The following ADRA1A variants were observed in gnomAD, a reference collection of about 807,000 sequenced individuals.
The protein encoded by ADRA1A is alpha-1A adrenergic receptor.
ADRA1A carries 31 observed loss-of-function variants against 29.6 expected under a neutral mutation model. The observed-to-expected ratio is 1.05, with a 90% CI of 0.79 to 1.41. The LOEUF is 1.41. Among genes scored for constraint, ADRA1A ranks in the 40% most tolerant of loss-of-function variants. The probability of loss-of-function intolerance (pLI) is 0.00; values close to 1 mark genes in which losing one functional copy is unlikely to be tolerated. For missense variants in ADRA1A, 619 were observed against 601.1 expected (o/e 1.03, Z -0.31); for synonymous variants, 311 against 254.3 (o/e 1.22, Z -2.12).
downstream of ADRA1A, among the ~76,000 whole-genome samples, chr8:26,764,706 C>A (rs368783679): frequency 1.4e-4 from 22 of 152,312 alleles, no homozygotes; most frequent in Admixed American, 3.9e-4. Context: ...AAGATAGGCA[C>A]AATTACTTTG....
intron 2 of ADRA1A, among the ~76,000 whole-genome samples, chr8:26,785,811 A>C (rs1908653): frequency 0.34 from 51,604 of 151,938 alleles, 10,119 homozygotes; most frequent in East Asian, 0.84. Context: ...CCATCTTTAT[A>C]AATTATATTT....
intron 2 of ADRA1A, chr8:26,854,434 A>AGGGGGGGGG (rs1563310604): frequency 1.3e-5 from 1 of 77,002 alleles, no homozygotes; most frequent in African/African-American, 5.1e-5. Context: ...GGGGGGGGGG[A>AGGGGGGGGG]GCAGGCAGAG....
At chr8:26,757,372 C>T (rs1187097526) in intron 2 of ADRA1A, among the ~76,000 whole-genome samples, 2 of 152,150 alleles carry the variant, frequency 1.3e-5, no homozygotes, top group East Asian at 3.9e-4. Flanking sequence ...GCCTAGAAGG[C>T]TGCTGGAGAC....
intron 2 of ADRA1A, among the ~76,000 whole-genome samples, chr8:26,749,839 C>T (rs1257831976): frequency 6.6e-6 from 1 of 152,178 alleles, no homozygotes; most frequent in African/African-American, 2.4e-5. Context: ...CTCTTCCTCT[C>T]TCATTTCCTA....
intron 2 of ADRA1A, among the ~76,000 whole-genome samples, chr8:26,748,906 C>T (rs1455935153): frequency 4.6e-5 from 7 of 152,148 alleles, no homozygotes; most frequent in Non-Finnish European, 1.0e-4. Flanking sequence ...CCTACGGACT[C>T]AACCAGAGAG....
chr8:26,835,842 T>C (rs922734), intron 2 of ADRA1A: 20,047 of 152,308 alleles, frequency 0.13, 1,468 homozygotes, highest in Non-Finnish European at 0.15. Flanking sequence ...TCCACTTCTT[T>C]CCCCCTGCTT....
At chr8:26,820,435 GA>G (rs1363399187) in intron 2 of ADRA1A, among the ~76,000 whole-genome samples, 1 of 151,976 alleles carries the variant, frequency 6.6e-6, no homozygotes, top group Non-Finnish European at 1.5e-5. Flanking sequence ...AATAGTGCTG[GA>G]AAAAAAGTGT....
downstream of ADRA1A, among the ~76,000 whole-genome samples, chr8:26,752,996 A>AG (rs1045902043): frequency 1.6e-4 from 25 of 152,170 alleles, no homozygotes; most frequent in Non-Finnish European, 3.7e-4. Flanking sequence ...CTAAGTGGCG[A>AG]GTGGTTGAGG....
intron 2 of ADRA1A, among the ~76,000 whole-genome samples, chr8:26,828,728 G>C (rs1014438914): frequency 1.2e-4 from 18 of 152,060 alleles, no homozygotes; most frequent in African/African-American, 4.3e-4. Flanking sequence ...TGAAGTCACA[G>C]GGTGAATATT....
chr8:26,827,419 A>G (rs1810651154), intron 2 of ADRA1A, among the ~76,000 whole-genome samples: 1 of 152,198 alleles, frequency 6.6e-6, no homozygotes, highest in Non-Finnish European at 1.5e-5. Flanking sequence ...TGCTATAACA[A>G]GATGTCCTAA....
intron 2 of ADRA1A, among the ~76,000 whole-genome samples, chr8:26,852,964 T>C (rs73564038): frequency 0.24 from 36,652 of 152,030 alleles, 4,738 homozygotes; most frequent in Non-Finnish European, 0.3. Flanking sequence ...TGTCACCTGA[T>C]TGAGTAGAAT....
At chr8:26,763,828 C>T (rs1157972526), downstream of ADRA1A, among the ~76,000 whole-genome samples, 1 of 152,058 alleles carries the variant, frequency 6.6e-6, no homozygotes, top group Non-Finnish European at 1.5e-5. This position sits in a 1 kb window ranked among gnomAD's most constrained non-coding sequence, Gnocchi z 4.5. Context: ...TGTCCCCCTC[C>T]CTGCAAAAAG....
chr8:26,824,414 G>T (rs76026694), intron 2 of ADRA1A, among the ~76,000 whole-genome samples: 1 of 152,016 alleles, frequency 6.6e-6, no homozygotes, highest in Non-Finnish European at 1.5e-5. Flanking sequence ...TTCAAACTTC[G>T]TTTTTTGCAT....
chr8:26,834,285 C>T (rs1159553356), intron 2 of ADRA1A, among the ~76,000 whole-genome samples: 1 of 152,138 alleles, frequency 6.6e-6, no homozygotes, highest in Non-Finnish European at 1.5e-5. Flanking sequence ...GTGAAGATAT[C>T]AGTTTTATCC....
intron 2 of ADRA1A, among the ~76,000 whole-genome samples, chr8:26,840,944 A>G (rs1055245313): frequency 9.9e-5 from 15 of 152,190 alleles, no homozygotes; most frequent in African/African-American, 3.6e-4. Context: ...CAGTTGTAGC[A>G]AGCCAGTCAT....
Position 26,839,243 on chromosome 8 carries a change from C to T in ADRA1A, c.883+24844G>A, listed in dbSNP as rs183029283. 1.6e-3 allele frequency among the ~76,000 whole-genome samples: 235 copies of T among 151,492 alleles called. 7 individuals are homozygous for T. In the East Asian group the frequency reaches 0.043, roughly 28 times the overall value. On this transcript the variant is annotated intron_variant, in intron 2 of 2. Transcript: ENST00000380573. ...GTGCAATCTTGGCTCACTGCAACCT[C>T]CGCCTCCCGGGTTCAAGTGATTCTC...
At chr8:26,814,703 T>C (rs951398143) in intron 2 of ADRA1A, among the ~76,000 whole-genome samples, 1 of 152,238 alleles carries the variant, frequency 6.6e-6, no homozygotes, top group Non-Finnish European at 1.5e-5. Flanking sequence ...TACCCTTCCA[T>C]CTAGAGAGAT....
At chr8:26,811,293 C>G (rs765129056) in intron 2 of ADRA1A, among the ~76,000 whole-genome samples, 1 of 152,052 alleles carries the variant, frequency 6.6e-6, no homozygotes, top group Admixed American at 6.5e-5. Context: ...TCCAGGCTCA[C>G]GCCATTCTCC....
At chr8:26,863,425 T>C (rs1311577906) in intron 2 of ADRA1A, among the ~76,000 whole-genome samples, 1 of 152,210 alleles carries the variant, frequency 6.6e-6, no homozygotes, top group Non-Finnish European at 1.5e-5. Flanking sequence ...TTAATACTTA[T>C]TATTAAAATA....
Sources: allele counts gnomAD v4.1 joint callset (sites outside exome capture counted in the v4.1 genomes callset), GRCh38; gene constraint gnomAD v4.1.1; non-coding constraint Gnocchi (gnomAD v3.1); transcripts MANE v1.5; gene names NCBI Gene and HGNC (gene_info 2026-07-23, HGNC 2026-07-21).